Variants in ITGA10 observed in about 807,000 individuals in gnomAD.
ITGA10 encodes the protein integrin alpha-10.
ITGA10 carries 105 observed loss-of-function variants against 145.2 expected under a neutral mutation model. The observed-to-expected ratio is 0.72, with a 90% CI of 0.62 to 0.85. The LOEUF is 0.85. Among genes scored for constraint, ITGA10 ranks in the 40% least tolerant of loss-of-function variants. The pLI, the probability that ITGA10 is intolerant of heterozygous loss-of-function variation, is 0.00. For missense variants in ITGA10, 1,317 were observed against 1,444.5 expected, an observed-to-expected ratio of 0.91 and a Z score of 1.43; for synonymous variants, 506 against 557.8, an observed-to-expected ratio of 0.91 and a Z score of 1.31.
intron 28 of ITGA10, 25 bp downstream of exon 28, chr1:145,893,515 T>C (rs781818912): frequency 4.5e-6 from 7 of 1,568,790 alleles, no homozygotes; most frequent in Non-Finnish European, 6.1e-6. Context: ...TTTTCACAGC[T>C]CTCAGACTCG....
chr1:145,895,453 C>T (rs1655250695), intron 26 of ITGA10, 60 bp from the exon 27 acceptor site: 1 of 1,454,152 alleles, frequency 6.9e-7, no homozygotes, highest in Non-Finnish European at 9.6e-7. Context: ...TCCTCTTTCC[C>T]CACCTCTAGT....
rs1385387586 is a variant in ITGA10, at chr1:145,907,389, G to A, written c.129C>T (p.Tyr43=). 4 of 1,614,054 alleles carry A rather than the reference G, an allele frequency of 2.5e-6. No homozygotes were observed. The African/African-American group carries it at 5.3e-5, about 22-fold the overall frequency. ...FPGPPEAEFG[Y]SVLQHVGGGQ... ...CACCCCCAACATGTTGTAAGACACT[G>A]TATCCAAATTCAGCTTCTGGTGGCC... The change falls in exon 2 of 30, where the codon TAC becomes TAT. Residue 43 remains tyrosine (Y), a synonymous_variant. Coordinates refer to ENST00000369304, the MANE Select transcript of ITGA10 (RefSeq NM_003637.5).
chr1:145,902,927 G>T lies in ITGA10; in HGVS notation c.793C>A (p.Pro265Thr). 6.2e-7 allele frequency: 1 copy of T among 1,612,562 alleles called. No homozygotes were observed. The highest frequency in any genetic ancestry group is 1.1e-5 in the South Asian group (1 of 90,916). ...ACCACCAGTAGCCTGGCAGCCTCGGGTCGGCCCCCATGGGACTGACTGAAC... is the reference window on the plus strand; with the variant it reads ...ACCACCAGTAGCCTGGCAGCCTCGGTTCGGCCCCCATGGGACTGACTGAAC... Reference protein sequence around the residue: ...EGFSQSHGGRPEAARLLVVVT... With the variant: ...EGFSQSHGGRTEAARLLVVVT... Residue 265 changes from proline (P) to threonine (T), a missense_variant, in exon 8 of 30, where the codon CCC (proline) becomes ACC (threonine). Coordinates refer to ENST00000369304, the MANE Select transcript of ITGA10 (RefSeq NM_003637.5).
At chr1:145,892,997 A>G in intron 29 of ITGA10, 134 bp from the exon 30 acceptor site, 1 of 945,304 alleles carries the variant, frequency 1.1e-6, no homozygotes, top group Admixed American at 2.0e-5. Context: ...TATTTGGCTT[A>G]GAATAATTTA....
chr1:145,895,005 A>C (rs1454818373), intron 27 of ITGA10, among the ~76,000 whole-genome samples: 2 of 152,222 alleles, frequency 1.3e-5, no homozygotes, highest in Admixed American at 6.5e-5. Context: ...AGTGGAGGAA[A>C]ATACAAGGAT....
At chr1:145,893,487 A>G in intron 28 of ITGA10, 53 bp downstream of exon 28, 2 of 1,424,956 alleles carry the variant, frequency 1.4e-6, no homozygotes. Flanking sequence ...TGGCCCTACC[A>G]CATACCCATC....
At chr1:145,907,326 T>A in intron 2 of ITGA10, 28 bp downstream of exon 2, 9 of 1,614,118 alleles carry the variant, frequency 5.6e-6, no homozygotes, top group Non-Finnish European at 7.6e-6. Context: ...GCAGTCCCAA[T>A]CCCCTGGCAC....
rs782244233 is a variant in ITGA10, at chr1:145,904,153, C to T, written c.657G>A (p.Leu219=). The change falls in exon 7 of 30, where the codon CTG becomes CTA. Residue 219 remains leucine (L), a synonymous_variant. Coordinates refer to ENST00000369304, the MANE Select transcript of ITGA10 (RefSeq NM_003637.5). ...YGESPVHEWS[L]GDFRTKEEVV... ...CTTCTTCCTTCGTTCGGAAATCTCC[C>T]AGGGACCACTCATGTACAGGGCTCT... The T allele has an allele frequency of 3.2e-5, 52 of 1,614,084 alleles. No homozygotes were observed. The highest frequency in any genetic ancestry group is 4.0e-5 in the Non-Finnish European group (47 of 1,180,044).
intron 25 of ITGA10, 73 bp downstream of exon 25, chr1:145,895,910 G>T: frequency 8.2e-7 from 1 of 1,224,546 alleles, no homozygotes; most frequent in Non-Finnish European, 1.2e-6. Context: ...TAGGGAGCTG[G>T]TGTGGTGTCC....
At chr1:145,892,922 G>C in intron 29 of ITGA10, 59 bp from the exon 30 acceptor site, 1 of 1,315,720 alleles carries the variant, frequency 7.6e-7, no homozygotes, top group Non-Finnish European at 1.1e-6. Flanking sequence ...CTTGCCAGTA[G>C]CTCTCAGACT....
intron 25 of ITGA10, 63 bp from the exon 26 acceptor site, chr1:145,895,774 G>T: frequency 1.4e-6 from 2 of 1,436,192 alleles, no homozygotes; most frequent in Non-Finnish European, 2.0e-6. Context: ...TCAAGGCTGA[G>T]TTGGAACATA....
chr1:145,893,735 T>C, intron 27 of ITGA10, 100 bp from the exon 28 acceptor site: 1 of 834,410 alleles, frequency 1.2e-6, no homozygotes, highest in Non-Finnish European at 1.9e-6. Flanking sequence ...AGAGGCATAA[T>C]GTTGAGGGCT....
chr1:145,898,134 G>A lies in ITGA10; in HGVS notation c.2322C>T (p.Gly774=), dbSNP rs1553746055. 3 of 1,613,850 alleles carry A rather than the reference G, an allele frequency of 1.9e-6. No individual in the cohort carries two copies. Among genetic ancestry groups the A allele is most frequent in the Admixed American group, 1.7e-5 (1 of 60,010 alleles). ...CCAGCTTTTGTATAGAGGTGGGTGAGCCCTCATTCAGCACAGGCCCTGGCT... is the reference window on the plus strand; with the variant it reads ...CCAGCTTTTGTATAGAGGTGGGTGAACCCTCATTCAGCACAGGCCCTGGCT... ...TTKPGPVLNE[G]SPTSIQKLVP... is the part of the protein sequence containing the mutation. Residue 774 remains glycine (G), a synonymous_variant, in exon 18 of 30, where the codon GGC becomes GGT. Transcript: ENST00000369304.
rs77054943 is a variant in ITGA10 at position 145,903,684 on chromosome 1, C to T, written c.758+368G>A. ...TTTTTTAAGGGAAAGATTTTCATTT[C>T]ATTTTATTTTATTTTATTTTAGATG... On this transcript the variant is annotated intron_variant, in intron 7 of 29. Transcript: ENST00000369304. 7.1e-3 allele frequency among the ~76,000 whole-genome samples: 1,061 copies of T among 150,088 alleles called. 10 individuals are homozygous for T. Among genetic ancestry groups the T allele is most frequent in the African/African-American group, 0.025 (1,006 of 40,734 alleles).
At chr1:145,894,536 G>A (rs186085727) in intron 27 of ITGA10, among the ~76,000 whole-genome samples, 1 of 152,306 alleles carries the variant, frequency 6.6e-6, no homozygotes, top group Admixed American at 6.5e-5. Context: ...AACATATGAT[G>A]ACATCCCAGG....
In ITGA10 at chr1:145,904,097, C is replaced by G; in HGVS notation, c.713G>C (p.Arg238Pro). 1 of 1,614,112 alleles carries G rather than the reference C, an allele frequency of 6.2e-7. No individual in the cohort carries two copies. Among genetic ancestry groups the G allele is most frequent in the Non-Finnish European group, 8.5e-7 (1 of 1,180,026 alleles). The change falls in exon 7 of 30, where the codon CGG (arginine) becomes CCG (proline). Residue 238 changes from arginine (R) to proline (P), a missense_variant. By Grantham distance (103) the Arg-to-Pro change is moderately radical (BLOSUM62 -2). Coordinates refer to ENST00000369304, the MANE Select transcript of ITGA10 (RefSeq NM_003637.5). The stretch of plus-strand genomic sequence containing the variant: ...GGCAGTCTTTGTTTCTCGTCCCTCC[C>G]GCCGACTGAGGTTCTTTGCTGCTCT... Reference protein sequence around the residue: ...VVRAAKNLSRREGRETKTAQA... With the variant: ...VVRAAKNLSRPEGRETKTAQA...
At chr1:145,903,024 T>G (rs28369274) in intron 7 of ITGA10, 63 bp from the exon 8 acceptor site, 81 of 377,676 alleles carry the variant, frequency 2.1e-4, no homozygotes, top group Non-Finnish European at 3.2e-4. Context: ...CACACACACA[T>G]ACACACACAC....
At position 145,900,938 on chromosome 1, in the gene ITGA10, C is replaced by G; in HGVS notation, c.1643G>C (p.Arg548Pro). The G allele has an allele frequency of 6.2e-7, 1 of 1,614,138 alleles. No individual in the cohort carries two copies. The highest frequency in any genetic ancestry group is 2.2e-5 in the East Asian group (1 of 44,890). ...TLQPEPPQDA[R>P]FGFAMGALPD... ...AAGAGCTCCCATGGCAAAGCCAAAC[C>G]GAGCATCCTGGGGGGGTTCTGGCTG... The change falls in exon 14 of 30, where the codon CGG becomes CCG. Residue 548 changes from arginine (R) to proline (P), a missense_variant. Coordinates refer to ENST00000369304, the MANE Select transcript of ITGA10 (RefSeq NM_003637.5).
At chr1:145,897,933 G>C (rs782714144) in intron 18 of ITGA10, 33 bp from the exon 19 acceptor site, 1 of 1,559,018 alleles carries the variant, frequency 6.4e-7, no homozygotes, top group East Asian at 2.2e-5. Flanking sequence ...AGGGTTGAGA[G>C]GAAAGCAAGG....
Sources: allele counts gnomAD v4.1 joint callset (sites outside exome capture counted in the v4.1 genomes callset), GRCh38; gene constraint gnomAD v4.1.1; transcripts MANE v1.5; gene names NCBI Gene and HGNC (gene_info 2026-07-23, HGNC 2026-07-21).